The following REEP1 variants were observed in gnomAD, a reference collection of about 807,000 sequenced individuals.
The protein encoded by REEP1 is receptor accessory protein 1, also known as receptor expression-enhancing protein 1.
A neutral mutation model predicts 40.3 loss-of-function variants in REEP1; 22 were observed. The observed-to-expected ratio is 0.55, with a 90% CI of 0.39 to 0.78. The LOEUF is 0.78. Among genes scored for constraint, REEP1 ranks in the 30% least tolerant of loss-of-function variants. The probability of loss-of-function intolerance (pLI) is 0.00; values close to 1 mark genes in which losing one functional copy is unlikely to be tolerated. For missense variants in REEP1, 280 were observed against 361.1 expected (o/e 0.78, Z 1.82); for synonymous variants, 116 against 139.2 (o/e 0.83, Z 1.17).
chr2:86,220,155 C>T (rs1674339083), intron 7 of REEP1, 34 bp from the exon 8 acceptor site: 2 of 1,215,928 alleles, frequency 1.6e-6, no homozygotes, highest in Non-Finnish European at 2.1e-6. Flanking sequence ...ACAGATGAGA[C>T]AAGGTATAGC....
chr2:86,316,656 C>T (rs1320077885), intron 1 of REEP1, among the ~76,000 whole-genome samples: 1 of 151,490 alleles, frequency 6.6e-6, no homozygotes, highest in African/African-American at 2.4e-5. Flanking sequence ...GTCAGGAGTT[C>T]GAGACCAGCC....
chr2:86,216,302 A>C lies in REEP1; in HGVS notation c.*737T>G, dbSNP rs150465452. On this transcript the variant is annotated 3_prime_UTR_variant, in exon 9 of 9. Coordinates refer to ENST00000538924, the MANE Select transcript of REEP1 (RefSeq NM_001371279.1). The stretch of plus-strand genomic sequence containing the variant: ...CCTGTGACTCTTCTCTTTTACTGGG[A>C]TGTTCCCCTGACCTCTCATCACACT... 1 of 152,104 alleles carries C rather than the reference A, an allele frequency of 6.6e-6. No homozygotes were observed. Among genetic ancestry groups the C allele is most frequent in the Non-Finnish European group, 1.5e-5 (1 of 68,008 alleles). 9.4% of individuals were successfully genotyped at this position (152,104 alleles called of 1,614,324 possible). A position where few individuals can be genotyped will look rare whatever the true frequency, so the allele number is the denominator to read the frequency against.
intron 1 of REEP1, among the ~76,000 whole-genome samples, chr2:86,329,245 G>A (rs754994363): frequency 1.3e-5 from 2 of 152,176 alleles, no homozygotes. Context: ...TACAGGATGC[G>A]GGGTGTGGCG....
chr2:86,279,904 T>A (rs868309732), intron 2 of REEP1: 198 of 454,564 alleles, frequency 4.4e-4, no homozygotes, highest in Middle Eastern at 1.3e-3. Flanking sequence ...AGCCACTAAG[T>A]TCACGGTAAT....
chr2:86,230,163 T>C (rs1674930031), intron 6 of REEP1, among the ~76,000 whole-genome samples: 1 of 152,244 alleles, frequency 6.6e-6, no homozygotes, highest in African/African-American at 2.4e-5. Context: ...TCATCACCTC[T>C]GCTCATGGAG....
intron 1 of REEP1, among the ~76,000 whole-genome samples, chr2:86,321,529 C>G (rs1039846444): frequency 6.6e-6 from 1 of 152,052 alleles, no homozygotes; most frequent in Non-Finnish European, 1.5e-5. Flanking sequence ...ATACCACTCA[C>G]AAACATAGCT....
intron 2 of REEP1, among the ~76,000 whole-genome samples, chr2:86,271,794 G>A (rs1281903292): frequency 1.3e-5 from 2 of 152,160 alleles, no homozygotes; most frequent in Non-Finnish European, 2.9e-5. Context: ...TCAGGATCTG[G>A]GAATTCTCAA....
At chr2:86,251,799 G>A in intron 5 of REEP1, 158 bp downstream of exon 5, 1 of 721,592 alleles carries the variant, frequency 1.4e-6, no homozygotes, top group Non-Finnish European at 2.5e-6. Context: ...TCTGGGGCAA[G>A]ATTCAGCATT....
At chr2:86,217,666 A>ATTTTTTTTATTT (rs1674191257) in intron 8 of REEP1, among the ~76,000 whole-genome samples, 4 of 112,898 alleles carry the variant, frequency 3.5e-5, no homozygotes, top group African/African-American at 1.2e-4. Context: ...GGGATTTCAG[A>ATTTTTTTTATTT]TTTTTTTTTT....
intron 3 of REEP1, among the ~76,000 whole-genome samples, chr2:86,256,772 C>T (rs149891901): frequency 1.3e-5 from 2 of 152,290 alleles, no homozygotes; most frequent in African/African-American, 2.4e-5. Context: ...GTCTTACCCA[C>T]ACTCGCTTAA....
intron 7 of REEP1, among the ~76,000 whole-genome samples, chr2:86,226,120 T>C (rs559262918): frequency 0.012 from 511 of 41,156 alleles, 3 homozygotes; most frequent in Non-Finnish European, 0.031. Context: ...ACCACCATCA[T>C]CACCACCACC....
At chr2:86,225,054 A>G (rs933919729) in intron 7 of REEP1, among the ~76,000 whole-genome samples, 3 of 152,234 alleles carry the variant, frequency 2.0e-5, no homozygotes, top group African/African-American at 7.2e-5. Context: ...CACTGGCACC[A>G]CAGGGTCATT....
chr2:86,227,263 CAGCTGAAAGGG>C, intron 7 of REEP1, 89 bp downstream of exon 7: 1 of 949,520 alleles, frequency 1.1e-6, no homozygotes, highest in Non-Finnish European at 1.4e-6. Context: ...TATGACCATG[CAGCTGAAAGGG>C]AGCCCCAGGG....
At chr2:86,239,208 C>CAA (rs35714309) in intron 5 of REEP1, among the ~76,000 whole-genome samples, 13,341 of 58,012 alleles carry the variant, frequency 0.23, 1,682 homozygotes, top group Non-Finnish European at 0.28. Flanking sequence ...CCATCTAGAC[C>CAA]AAAAAAAAAA....
At chr2:86,334,293 C>T (rs1307664595) in intron 1 of REEP1, among the ~76,000 whole-genome samples, 1 of 152,194 alleles carries the variant, frequency 6.6e-6, no homozygotes, top group Non-Finnish European at 1.5e-5. Flanking sequence ...CAGGAAGACA[C>T]TCCCTCTCTA....
At chr2:86,298,254 A>G (rs374392948) in intron 1 of REEP1, among the ~76,000 whole-genome samples, 2 of 152,140 alleles carry the variant, frequency 1.3e-5, no homozygotes, top group Non-Finnish European at 2.9e-5. Flanking sequence ...AGGACCCAGG[A>G]TGATAGCACC....
chr2:86,254,591 G>T, intron 4 of REEP1, 103 bp downstream of exon 4: 1 of 1,296,572 alleles, frequency 7.7e-7, no homozygotes. Context: ...GGAGGCAAAT[G>T]AGAGCCAAAT....
chr2:86,238,843 G>C (rs921200270), intron 5 of REEP1, among the ~76,000 whole-genome samples: 2 of 152,152 alleles, frequency 1.3e-5, no homozygotes, highest in Admixed American at 6.5e-5. Flanking sequence ...TCACCACTGA[G>C]AGCGGCCACT....
chr2:86,316,548 C>CAAAA (rs58561932), intron 1 of REEP1, among the ~76,000 whole-genome samples: 93 of 70,334 alleles, frequency 1.3e-3, no homozygotes, highest in Non-Finnish European at 2.0e-3. Context: ...AACTCTGTCT[C>CAAAA]AAAAAAAAAA....
Sources: allele counts gnomAD v4.1 joint callset (sites outside exome capture counted in the v4.1 genomes callset), GRCh38; gene constraint gnomAD v4.1.1; transcripts MANE v1.5; gene names NCBI Gene and HGNC (gene_info 2026-07-23, HGNC 2026-07-21).